MBOAT2: variants seen among roughly 807,000 people sequenced by gnomAD.
MBOAT2 encodes membrane bound glycerophospholipid O-acyltransferase 2.
Under a neutral mutation model 63.4 loss-of-function variants are expected in MBOAT2, and 28 were observed. The observed-to-expected ratio is 0.44, with a 90% confidence interval of 0.33 to 0.61. The LOEUF is 0.61. MBOAT2 is among the 20% of genes least tolerant of loss of function. The pLI is 0.03. For synonymous variants in MBOAT2, 211 were observed against 215.6 expected (o/e 0.98, Z 0.19); for missense variants, 470 against 605.8 (o/e 0.78, Z 2.35).
In MBOAT2 at chr2:8,871,336, T is replaced by A. The variant is rs573975314; in HGVS notation, c.883+1772A>T. On this transcript the variant is annotated intron_variant, in intron 8 of 12. Transcript: ENST00000305997. ...GTATATTTTTACATATTTACAGAGATCTTGTGATTTTTCTCAAAAGCCTTA... is the reference window on the plus strand; with the variant it reads ...GTATATTTTTACATATTTACAGAGAACTTGTGATTTTTCTCAAAAGCCTTA... Among the ~76,000 whole-genome samples the A allele has an allele frequency of 8.5e-5, 13 of 152,232 alleles. 1 individual carries two copies. Among genetic ancestry groups the A allele is most frequent in the Admixed American group, 8.5e-4 (13 of 15,286 alleles).
intron 9 of MBOAT2, among the ~76,000 whole-genome samples, chr2:8,864,639 C>T (rs946711536): frequency 2.6e-5 from 4 of 151,936 alleles, no homozygotes; most frequent in Admixed American, 6.6e-5. Context: ...ACATCCACCG[C>T]GACATCCTGC....
At chr2:8,876,906 T>C in intron 7 of MBOAT2, 124 bp downstream of exon 7, 1 of 969,522 alleles carries the variant, frequency 1.0e-6, no homozygotes, top group Non-Finnish European at 1.5e-6. Context: ...TGTGAAGTTA[T>C]TTATCTTGAA....
chr2:8,863,777 A>G (rs187299407), intron 10 of MBOAT2, among the ~76,000 whole-genome samples: 3 of 152,296 alleles, frequency 2.0e-5, no homozygotes, highest in African/African-American at 7.2e-5. Flanking sequence ...GTTGAATTGA[A>G]ATATTTAAAA....
rs539135439 is a variant in MBOAT2, at chr2:8,860,394, T to C, written c.1337+219A>G. Among the ~76,000 whole-genome samples the C allele has an allele frequency of 1.5e-4, 23 of 152,282 alleles. No individual in the cohort carries two copies. In the South Asian group the frequency reaches 4.4e-3, roughly 29 times the overall value. ...GAGGCAGTGGTTACCTGGCTGATAT[T>C]TCTCTGTCTAAATCACTCATCTGAG... is the stretch of plus-strand genomic sequence containing the variant. On this transcript the variant is annotated intron_variant, in intron 12 of 12. Coordinates refer to ENST00000305997, the MANE Select transcript of MBOAT2 (RefSeq NM_138799.4).
chr2:8,999,199 A>C (rs1442955595), intron 1 of MBOAT2, among the ~76,000 whole-genome samples: 1 of 152,210 alleles, frequency 6.6e-6, no homozygotes. Flanking sequence ...CCTGTCCCTA[A>C]ACATGGCTGT....
At chr2:8,899,826 G>A (rs1193404226) in intron 4 of MBOAT2, among the ~76,000 whole-genome samples, 3 of 152,198 alleles carry the variant, frequency 2.0e-5, no homozygotes, top group South Asian at 2.1e-4. Context: ...CTCTGATCTC[G>A]CTTTTCCTTT....
intron 3 of MBOAT2, among the ~76,000 whole-genome samples, chr2:8,941,533 G>A: frequency 6.6e-6 from 1 of 151,950 alleles, no homozygotes; most frequent in Non-Finnish European, 1.5e-5. Context: ...GCGTGGTGGT[G>A]GGAGCCTGTA....
intron 4 of MBOAT2, among the ~76,000 whole-genome samples, chr2:8,897,347 G>A (rs1271279612): frequency 6.6e-6 from 1 of 150,752 alleles, no homozygotes; most frequent in Non-Finnish European, 1.5e-5. Flanking sequence ...CCCTTTGGAT[G>A]GCTTCAGCAG....
chr2:8,923,054 T>A (rs1666693279), intron 3 of MBOAT2, among the ~76,000 whole-genome samples: 1 of 152,250 alleles, frequency 6.6e-6, no homozygotes, highest in South Asian at 2.1e-4. Context: ...TTGCTCATTC[T>A]TGTGCAGGGG....
chr2:8,965,798 C>G (rs1669938731), intron 1 of MBOAT2, among the ~76,000 whole-genome samples: 1 of 152,118 alleles, frequency 6.6e-6, no homozygotes, highest in Non-Finnish European at 1.5e-5. Flanking sequence ...CATCAACTGC[C>G]ACACGTGCCC....
chr2:8,885,730 T>C (rs540534999), intron 5 of MBOAT2, among the ~76,000 whole-genome samples: 1 of 152,316 alleles, frequency 6.6e-6, no homozygotes, highest in African/African-American at 2.4e-5. Flanking sequence ...ATGAGGGTGA[T>C]GAAATGTCTT....
At chr2:8,927,311 T>C (rs970926537) in intron 3 of MBOAT2, among the ~76,000 whole-genome samples, 1 of 152,222 alleles carries the variant, frequency 6.6e-6, no homozygotes, top group South Asian at 2.1e-4. Flanking sequence ...TCCCAAGAAT[T>C]ATCTTCATTT....
intron 3 of MBOAT2, among the ~76,000 whole-genome samples, chr2:8,914,211 G>A (rs1395746548): frequency 5.9e-5 from 9 of 152,156 alleles, no homozygotes; most frequent in African/African-American, 2.2e-4. Flanking sequence ...TACAAATATG[G>A]TACAGTGTAT....
intron 4 of MBOAT2, among the ~76,000 whole-genome samples, chr2:8,906,110 C>T (rs529789395): frequency 6.6e-6 from 1 of 152,282 alleles, no homozygotes; most frequent in Admixed American, 6.5e-5. Flanking sequence ...AGGTATGCGC[C>T]ACCATGCCTA....
At chr2:8,928,081 A>C (rs902788932) in intron 3 of MBOAT2, among the ~76,000 whole-genome samples, 1 of 152,114 alleles carries the variant, frequency 6.6e-6, no homozygotes, top group Non-Finnish European at 1.5e-5. Context: ...ACCAGATCTC[A>C]CAAGAATTCA....
chr2:8,974,235 T>C, intron 1 of MBOAT2: 1 of 399,124 alleles, frequency 2.5e-6, no homozygotes, highest in Non-Finnish European at 5.1e-6. Context: ...TCTCAGCCAA[T>C]CATCACCAAC....
chr2:8,985,302 T>C (rs1348023120), intron 1 of MBOAT2, among the ~76,000 whole-genome samples: 1 of 152,162 alleles, frequency 6.6e-6, no homozygotes, highest in African/African-American at 2.4e-5. Flanking sequence ...TTTTTCATCA[T>C]TCGAATCAAA....
intron 8 of MBOAT2, among the ~76,000 whole-genome samples, chr2:8,872,074 T>C (rs1572931183): frequency 6.6e-6 from 1 of 152,226 alleles, no homozygotes; most frequent in Non-Finnish European, 1.5e-5. Flanking sequence ...CTGAAGCCTT[T>C]TGTGGCTAAT....
chr2:8,883,191 A>G (rs1663271630), intron 5 of MBOAT2, among the ~76,000 whole-genome samples: 1 of 152,208 alleles, frequency 6.6e-6, no homozygotes, highest in African/African-American at 2.4e-5. Flanking sequence ...ATAAATTAAT[A>G]AACTAATATT....
Sources: gnomAD v4.1 joint callset for allele counts (sites outside exome capture counted in the v4.1 genomes callset) on GRCh38, gnomAD v4.1.1 for gene constraint, MANE v1.5 for transcripts, NCBI Gene and HGNC (gene_info 2026-07-23, HGNC 2026-07-21) for gene names.